Variants in DPY19L4 observed in about 807,000 individuals in gnomAD.
DPY19L4 encodes the protein dpy-19 like 4.
A neutral mutation model predicts 102.8 loss-of-function variants in DPY19L4; 97 were observed. That is an observed-to-expected ratio of 0.94 (90% confidence interval 0.80 to 1.12). The LOEUF is 1.12. Ranked by LOEUF, DPY19L4 falls within the 50% of genes most tolerant of loss-of-function variation. The probability of loss-of-function intolerance (pLI) is 0.00; values close to 1 mark genes in which losing one functional copy is unlikely to be tolerated. For synonymous variants in DPY19L4, 252 were observed against 283.1 expected, an observed-to-expected ratio of 0.89 and a Z score of 1.10; for missense variants, 815 against 850.4, an observed-to-expected ratio of 0.96 and a Z score of 0.52.
intron 2 of DPY19L4, among the ~76,000 whole-genome samples, chr8:94,730,686 A>G (rs192753793): frequency 0.012 from 1,776 of 149,278 alleles, 29 homozygotes; most frequent in African/African-American, 0.041. Flanking sequence ...CAGAGGTTGC[A>G]GTGAGTCGAG....
intron 1 of DPY19L4, among the ~76,000 whole-genome samples, chr8:94,725,509 G>T (rs1810648023): frequency 6.6e-6 from 1 of 152,134 alleles, no homozygotes; most frequent in Non-Finnish European, 1.5e-5. Context: ...ATCTTTGTAG[G>T]TTCAGCCTAT....
intron 13 of DPY19L4, among the ~76,000 whole-genome samples, chr8:94,774,890 T>G (rs988360533): frequency 6.6e-6 from 1 of 152,018 alleles, no homozygotes; most frequent in African/African-American, 2.4e-5. Context: ...ATTTTCCATT[T>G]CTATGAATTT....
intron 8 of DPY19L4, 25 bp from the exon 9 acceptor site, chr8:94,765,158 A>C: frequency 7.3e-7 from 1 of 1,367,846 alleles, no homozygotes; most frequent in Non-Finnish European, 1.0e-6. Flanking sequence ...ACTTATTCTC[A>C]CTTATTTTAT....
At chr8:94,736,551 A>G (rs145778309) in intron 3 of DPY19L4, among the ~76,000 whole-genome samples, 10 of 152,308 alleles carry the variant, frequency 6.6e-5, no homozygotes, top group Admixed American at 2.6e-4. Flanking sequence ...TTTTTGTATT[A>G]ATTGATACAT....
chr8:94,761,506 C>G (rs1449486143), intron 7 of DPY19L4, among the ~76,000 whole-genome samples, 194 bp from the exon 8 acceptor site: 1 of 152,138 alleles, frequency 6.6e-6, no homozygotes, highest in Non-Finnish European at 1.5e-5. Context: ...TGATTTCTCT[C>G]AAGTGCCTTA....
chr8:94,787,666 AG>A (rs1277920933), intron 17 of DPY19L4, among the ~76,000 whole-genome samples: 3 of 152,128 alleles, frequency 2.0e-5, no homozygotes, highest in Admixed American at 2.0e-4. Context: ...TTATCTAATA[AG>A]TTCAGAAAAA....
At chr8:94,788,673 C>T (rs569662300) in intron 18 of DPY19L4, among the ~76,000 whole-genome samples, 2 of 152,310 alleles carry the variant, frequency 1.3e-5, no homozygotes, top group South Asian at 4.1e-4. Context: ...CCCCCCAGCC[C>T]CCATGGCCTT....
At chr8:94,743,650 G>A (rs1240853078) in intron 6 of DPY19L4, among the ~76,000 whole-genome samples, 1 of 150,768 alleles carries the variant, frequency 6.6e-6, no homozygotes, top group Non-Finnish European at 1.5e-5. Context: ...ATAAATGAAT[G>A]AATGAAGTTG....
chr8:94,757,188 G>A (rs933729540), intron 7 of DPY19L4, among the ~76,000 whole-genome samples: 2 of 152,160 alleles, frequency 1.3e-5, no homozygotes, highest in African/African-American at 4.8e-5. Context: ...TGGTTGTCCA[G>A]GAAACAGGAT....
At position 94,791,314 on chromosome 8, in the gene DPY19L4, A is replaced by G. The variant is rs920222868; in HGVS notation, c.*1404A>G. 1 of 152,162 alleles carries G rather than the reference A, an allele frequency of 6.6e-6. No individual in the cohort carries two copies. The highest frequency in any genetic ancestry group is 2.4e-5 in the African/African-American group (1 of 41,458). The allele number at this position is 152,162 out of a possible 1,614,324, so 9.4% of individuals were successfully genotyped here. The stretch of plus-strand genomic sequence containing the variant: ...TTTTCCGTTGTCTTTATTTTCTGTT[A>G]TACATGTGTTGTTAAAGTACATGCA... On this transcript the variant is annotated 3_prime_UTR_variant, in exon 19 of 19. Coordinates refer to ENST00000414645, the MANE Select transcript of DPY19L4 (RefSeq NM_181787.3).
chr8:94,730,419 G>A (rs1810893191), intron 2 of DPY19L4, among the ~76,000 whole-genome samples: 1 of 152,078 alleles, frequency 6.6e-6, no homozygotes, highest in Admixed American at 6.6e-5. Flanking sequence ...AAAGCTTGAT[G>A]TCTACTCCAT....
rs1813928638 is a variant in DPY19L4, at chr8:94,793,076, GCTAA to G, written c.*3169_*3172del. 1 of 152,166 alleles carries G rather than the reference GCTAA, an allele frequency of 6.6e-6. No homozygotes were observed. The highest frequency in any genetic ancestry group is 1.5e-5 in the Non-Finnish European group (1 of 68,040). The allele number at this position is 152,166 out of a possible 1,614,324, so 9.4% of individuals were successfully genotyped here. The stretch of plus-strand genomic sequence containing the variant: ...TAAGGAGTATGCATTGTACTTCAGT[GCTAA>G]CTTTTTTCTTCATTTACTTTCTGTG... On this transcript the variant is annotated 3_prime_UTR_variant, in exon 19 of 19. Coordinates refer to ENST00000414645, the MANE Select transcript of DPY19L4 (RefSeq NM_181787.3).
chr8:94,744,260 T>C, intron 6 of DPY19L4: 1 of 433,446 alleles, frequency 2.3e-6, no homozygotes, highest in Non-Finnish European at 4.6e-6. Context: ...AGCTCACTCA[T>C]GTGGCCATTT....
intron 4 of DPY19L4, among the ~76,000 whole-genome samples, chr8:94,738,729 G>T (rs1811306238): frequency 1.3e-5 from 2 of 151,856 alleles, no homozygotes; most frequent in African/African-American, 4.8e-5. Flanking sequence ...GGCCAGGCTG[G>T]TCTCGAACTC....
rs137914208 is a variant in DPY19L4 at position 94,734,184 on chromosome 8, G to A, written c.128-446G>A. On this transcript the variant is annotated intron_variant, in intron 2 of 18. Coordinates refer to ENST00000414645, the MANE Select transcript of DPY19L4 (RefSeq NM_181787.3). ...AATGATTCTTGTGCCTCAGCCTCCC[G>A]AGTAGCTGGGATTACAAGTGTGCGC... 6.9e-4 allele frequency among the ~76,000 whole-genome samples: 104 copies of A among 150,550 alleles called. 1 individual carries two copies. Among genetic ancestry groups the A allele is most frequent in the African/African-American group, 2.5e-3 (102 of 40,992 alleles).
intron 6 of DPY19L4, among the ~76,000 whole-genome samples, chr8:94,743,355 G>A (rs1343086701): frequency 1.3e-5 from 2 of 152,040 alleles, no homozygotes; most frequent in African/African-American, 4.8e-5. Context: ...AAGTGAAGTG[G>A]GGTCAGGTGT....
chr8:94,776,285 G>A (rs898943759), intron 13 of DPY19L4, among the ~76,000 whole-genome samples: 3 of 151,144 alleles, frequency 2.0e-5, no homozygotes, highest in East Asian at 3.9e-4. Context: ...CCACTGCCTC[G>A]GCCTCTTAAT....
At position 94,755,421 on chromosome 8, in the gene DPY19L4, T is replaced by G. The variant is rs192568445; in HGVS notation, c.612-615T>G. Among the ~76,000 whole-genome samples the G allele has an allele frequency of 1.4e-4, 21 of 152,282 alleles. No individual in the cohort carries two copies. In the East Asian group the frequency reaches 3.5e-3, roughly 25 times the overall value. The stretch of plus-strand genomic sequence containing the variant: ...AGGGTGGGGCTGAAATCTGGGGTAC[T>G]CTGTGCAACAAGCTGTGTACCTTAG... On this transcript the variant is annotated intron_variant, in intron 6 of 18. Coordinates refer to ENST00000414645, the MANE Select transcript of DPY19L4 (RefSeq NM_181787.3).
Position 94,726,436 on chromosome 8 carries a change from C to A in DPY19L4, c.122C>A (p.Pro41Gln). The A allele has an allele frequency of 6.2e-7, 1 of 1,604,458 alleles. No individual in the cohort carries two copies. Among genetic ancestry groups the A allele is most frequent in the Non-Finnish European group, 8.5e-7 (1 of 1,177,192 alleles). ...ISDIPIPERA[P>Q]KHVLFQRFAK... ...GACATTCCAATTCCTGAAAGAGCTCCAAAACGTAAGTTAGATAGACTTGGA... is the reference window on the plus strand; with the variant it reads ...GACATTCCAATTCCTGAAAGAGCTCAAAAACGTAAGTTAGATAGACTTGGA... Residue 41 changes from proline (P) to glutamine (Q), a missense_variant, in exon 2 of 19, where the codon CCA (proline) becomes CAA (glutamine). Coordinates refer to ENST00000414645, the MANE Select transcript of DPY19L4 (RefSeq NM_181787.3).
Sources: allele counts gnomAD v4.1 joint callset (sites outside exome capture counted in the v4.1 genomes callset), GRCh38; gene constraint gnomAD v4.1.1; transcripts MANE v1.5; gene names NCBI Gene and HGNC (gene_info 2026-07-23, HGNC 2026-07-21).